ZNF207: variants seen among roughly 807,000 people sequenced by gnomAD.
ZNF207 encodes the protein zinc finger protein 207, also known as BUB3-interacting and GLEBS motif-containing protein ZNF207.
In ZNF207, 24 loss-of-function variants were observed where a neutral mutation model predicts 60.2. The observed-to-expected ratio is 0.40, with a 90% CI of 0.29 to 0.56. The LOEUF is 0.56. ZNF207 is among the 20% of genes least tolerant of loss of function. The pLI is 0.49. For missense variants in ZNF207, 452 were observed against 636.6 expected (o/e 0.71, Z 3.12); for synonymous variants, 236 against 194.7 (o/e 1.21, Z -1.77).
Position 32,350,239 on chromosome 17 carries a change from T to C in ZNF207, c.-47T>C, listed in dbSNP as rs1426585133. On this transcript the variant is annotated 5_prime_UTR_variant, in exon 1 of 12. Transcript: ENST00000394670. ...AGTGAGGGATTTTTGGCCTCGTTTC[T>C]CCTGCTTCTTTTCTCCTCCCTTTTA... is the stretch of plus-strand genomic sequence containing the variant. 2 of 1,613,488 alleles carry C rather than the reference T, an allele frequency of 1.2e-6. No homozygotes were observed. Among genetic ancestry groups the C allele is most frequent in the African/African-American group, 1.3e-5 (1 of 74,906 alleles).
intron 8 of ZNF207, among the ~76,000 whole-genome samples, chr17:32,366,315 G>A (rs1267537212): frequency 1.3e-5 from 2 of 151,524 alleles, no homozygotes; most frequent in Admixed American, 6.6e-5. Flanking sequence ...AAAACTTTTG[G>A]CAAAAATCTT....
In ZNF207 at chr17:32,379,859, C is replaced by T. The variant is rs554587816; in HGVS notation, c.*10100C>T. The T allele has an allele frequency of 8.5e-5, 13 of 152,138 alleles. No individual in the cohort carries two copies. The highest frequency in any genetic ancestry group is 3.9e-4 in the Admixed American group (6 of 15,270). 9.4% of individuals were successfully genotyped at this position (152,138 alleles called of 1,614,324 possible). ...ATTTATGCCCTGCTTTATTTAGCCTCGCTATATGTAACACATGGATTATTT... is the reference window on the plus strand; with the variant it reads ...ATTTATGCCCTGCTTTATTTAGCCTTGCTATATGTAACACATGGATTATTT... On this transcript the variant is annotated 3_prime_UTR_variant, in exon 12 of 12. Coordinates refer to ENST00000394670, the MANE Select transcript of ZNF207 (RefSeq NM_001098507.2).
chr17:32,352,805 C>T (rs2041531083), intron 2 of ZNF207, among the ~76,000 whole-genome samples: 1 of 152,256 alleles, frequency 6.6e-6, no homozygotes, highest in African/African-American at 2.4e-5. Context: ...TAGCCGTCTT[C>T]CTGCCTCGTT....
In ZNF207 at chr17:32,380,702, G is replaced by A. The variant is rs553855264; in HGVS notation, c.*10943G>A. ...TTTTAAAGCAGTTTTTAAATTGAGA[G>A]AAAAGGGGCTGGGCCCAGCTGAGGC... On this transcript the variant is annotated 3_prime_UTR_variant, in exon 12 of 12. Transcript: ENST00000394670. 1.4e-4 allele frequency: 21 copies of A among 152,310 alleles called. No homozygotes were observed. The highest frequency in any genetic ancestry group is 4.6e-4 in the African/African-American group (19 of 41,568). 9.4% of individuals were successfully genotyped at this position (152,310 alleles called of 1,614,324 possible).
In ZNF207 at chr17:32,360,832, C is replaced by T; in HGVS notation, c.476-60C>T. 6.2e-6 allele frequency: 10 copies of T among 1,611,994 alleles called. No individual in the cohort carries two copies. The South Asian group carries it at 8.8e-5, about 14-fold the overall frequency. On this transcript the variant is annotated intron_variant, in intron 4 of 11. Coordinates refer to ENST00000394670, the MANE Select transcript of ZNF207 (RefSeq NM_001098507.2). ...TTATTGATATTGTATCGAAGTATTA[C>T]TTTCTTCCCTCTAACTCTTTAATAT...
At chr17:32,353,290 A>T (rs1431745700) in intron 2 of ZNF207, among the ~76,000 whole-genome samples, 1 of 152,142 alleles carries the variant, frequency 6.6e-6, no homozygotes, top group Admixed American at 6.5e-5. Flanking sequence ...CTCATTCAAC[A>T]TTATTCTACT....
rs1904885660 is a variant in ZNF207 at position 32,361,639 on chromosome 17, G to A, written c.599+124G>A. ...TTTCTAACCTTCCTCACTAAAACTTGCAAGCTAATTAACACAGGTCTCTTA... is the reference window on the plus strand; with the variant it reads ...TTTCTAACCTTCCTCACTAAAACTTACAAGCTAATTAACACAGGTCTCTTA... On this transcript the variant is annotated intron_variant, in intron 6 of 11. Coordinates refer to ENST00000394670, the MANE Select transcript of ZNF207 (RefSeq NM_001098507.2). The A allele has an allele frequency of 5.1e-6, 4 of 791,604 alleles. No homozygotes were observed. In the East Asian group the frequency reaches 8.9e-5, roughly 18 times the overall value. The allele number at this position is 791,604 out of a possible 1,614,324, so 49.0% of individuals were successfully genotyped here.
chr17:32,373,259 T>C lies in ZNF207; in HGVS notation c.*3500T>C, dbSNP rs537954748. 1 of 498,372 alleles carries C rather than the reference T, an allele frequency of 2.0e-6. No homozygotes were observed. The highest frequency in any genetic ancestry group is 3.7e-5 in the South Asian group (1 of 27,302). 30.9% of individuals were successfully genotyped at this position (498,372 alleles called of 1,614,324 possible). On this transcript the variant is annotated 3_prime_UTR_variant, in exon 12 of 12. Coordinates refer to ENST00000394670, the MANE Select transcript of ZNF207 (RefSeq NM_001098507.2). ...GAAGTACGGGCTCAGAGTGGAATTG[T>C]AGTGGACAATAGTTAAAAACAAAGC... is the stretch of plus-strand genomic sequence containing the variant.
At chr17:32,350,362 G>GGCTGCC in intron 1 of ZNF207, 36 bp downstream of exon 1, 1 of 1,613,768 alleles carries the variant, frequency 6.2e-7, no homozygotes, top group Non-Finnish European at 8.5e-7. Flanking sequence ...GGTCGCGTTG[G>GGCTGCC]GGTGCCGGTT....
At chr17:32,368,761 T>TG (rs1410008924) in intron 10 of ZNF207, 1 of 152,978 alleles carries the variant, frequency 6.5e-6, no homozygotes, top group African/African-American at 2.4e-5. Flanking sequence ...TCCCAGCACT[T>TG]TGGGAGGCCG....
chr17:32,374,619 G>C lies in ZNF207; in HGVS notation c.*4860G>C, dbSNP rs531537602. Reference sequence around the variant, plus strand: ...AATATTTTCAAGCCTCACCACATTAGAGCAAATGTTAATGTAGAGCCCTGT... The same window carrying C: ...AATATTTTCAAGCCTCACCACATTACAGCAAATGTTAATGTAGAGCCCTGT... On this transcript the variant is annotated 3_prime_UTR_variant, in exon 12 of 12. Transcript: ENST00000394670. The C allele has an allele frequency of 6.6e-6, 1 of 152,308 alleles. No individual in the cohort carries two copies. Among genetic ancestry groups the C allele is most frequent in the African/African-American group, 2.4e-5 (1 of 41,576 alleles). 9.4% of individuals were successfully genotyped at this position (152,308 alleles called of 1,614,324 possible).
At chr17:32,351,544 T>C in intron 1 of ZNF207, 2 of 1,529,042 alleles carry the variant, frequency 1.3e-6, no homozygotes, top group Admixed American at 4.0e-5. Flanking sequence ...TGACAAAGTA[T>C]ATTGCTGATT....
At chr17:32,365,230 A>G (rs1905105878) in intron 7 of ZNF207, 100 bp from the exon 8 acceptor site, 2 of 1,290,726 alleles carry the variant, frequency 1.5e-6, no homozygotes, top group Admixed American at 4.6e-5. Flanking sequence ...TAGTCGAGTC[A>G]TTGAGCAGTT....
chr17:32,369,190 T>C, intron 10 of ZNF207, 105 bp from the exon 11 acceptor site: 1 of 1,350,814 alleles, frequency 7.4e-7, no homozygotes, highest in South Asian at 1.5e-5. Flanking sequence ...TAAGGGTAAA[T>C]TTTTGAAAAT....
chr17:32,357,023 A>G (rs1050369495), intron 2 of ZNF207, among the ~76,000 whole-genome samples: 7 of 152,024 alleles, frequency 4.6e-5, no homozygotes, highest in African/African-American at 1.7e-4. Flanking sequence ...CGCCACAGAA[A>G]ATACAAAAAT....
Position 32,380,318 on chromosome 17 carries a change from T to G in ZNF207, c.*10559T>G, listed in dbSNP as rs1905832830. ...TCTCTTTTGCGACTTCATGTAGATG[T>G]GATTAACATTTTTTACAAATTTGCC... On this transcript the variant is annotated 3_prime_UTR_variant, in exon 12 of 12. Transcript: ENST00000394670. 6.6e-6 allele frequency: 1 copy of G among 152,494 alleles called. No homozygotes were observed. Among genetic ancestry groups the G allele is most frequent in the African/African-American group, 2.4e-5 (1 of 41,446 alleles). 9.4% of individuals were successfully genotyped at this position (152,494 alleles called of 1,614,324 possible). A position where few individuals can be genotyped will look rare whatever the true frequency, so the allele number is the denominator to read the frequency against.
intron 10 of ZNF207, 89 bp downstream of exon 10, chr17:32,368,103 C>T: frequency 6.5e-7 from 1 of 1,543,640 alleles, no homozygotes; most frequent in Non-Finnish European, 8.8e-7. Flanking sequence ...CATTTGTACT[C>T]AGATGGTCTG....
intron 2 of ZNF207, 129 bp downstream of exon 2, chr17:32,352,041 C>T: frequency 1.2e-6 from 1 of 830,582 alleles, no homozygotes; most frequent in Non-Finnish European, 1.8e-6. Flanking sequence ...AATCTCGGCC[C>T]ACTGCAACCT....
chr17:32,381,656 A>G lies in ZNF207; in HGVS notation c.*11897A>G, dbSNP rs964753236. The G allele has an allele frequency of 3.3e-5, 5 of 152,208 alleles. No individual in the cohort carries two copies. Among genetic ancestry groups the G allele is most frequent in the Admixed American group, 2.0e-4 (3 of 15,278 alleles). 9.4% of individuals were successfully genotyped at this position (152,208 alleles called of 1,614,324 possible). ...TTTCTTTTTCAGATAGTCTGGGGCT[A>G]TTTACTTATTTTAAGTAAGCCAAGT... On this transcript the variant is annotated 3_prime_UTR_variant, in exon 12 of 12. Coordinates refer to ENST00000394670, the MANE Select transcript of ZNF207 (RefSeq NM_001098507.2).
Sources: gnomAD v4.1 joint callset for allele counts (sites outside exome capture counted in the v4.1 genomes callset) on GRCh38, gnomAD v4.1.1 for gene constraint, MANE v1.5 for transcripts, NCBI Gene and HGNC (gene_info 2026-07-23, HGNC 2026-07-21) for gene names.